CAMTA1: variants seen among roughly 807,000 people sequenced by gnomAD.
CAMTA1 encodes calmodulin binding transcription activator 1.
In CAMTA1, 27 loss-of-function variants were observed where a neutral mutation model predicts 170.9. The observed-to-expected ratio is 0.16, with a 90% CI of 0.12 to 0.22. The LOEUF is 0.22. Among genes scored for constraint, CAMTA1 ranks in the 10% least tolerant of loss-of-function variants. The probability of loss-of-function intolerance (pLI) is 1.00; values close to 1 mark genes in which losing one functional copy is unlikely to be tolerated. For missense variants in CAMTA1, 1,619 were observed against 2,217.2 expected, an observed-to-expected ratio of 0.73 and a Z score of 5.42; for synonymous variants, 833 against 891.5, an observed-to-expected ratio of 0.93 and a Z score of 1.17.
chr1:6,858,763 T>C lies in CAMTA1; in HGVS notation c.234+33553T>C, dbSNP rs558306129. Among the ~76,000 whole-genome samples the C allele has an allele frequency of 3.9e-4, 60 of 152,260 alleles. No homozygotes were observed. In the South Asian group the frequency reaches 0.012, roughly 31 times the overall value. ...CCTCTATTTGCTGAGTCTTATGCTT[T>C]TATATGAGGACCCCAGTGTCGTAAC... On this transcript the variant is annotated intron_variant, in intron 3 of 22. Coordinates refer to ENST00000303635, the MANE Select transcript of CAMTA1 (RefSeq NM_015215.4).
chr1:6,929,188 G>A (rs1011013899), intron 3 of CAMTA1, among the ~76,000 whole-genome samples: 4 of 151,944 alleles, frequency 2.6e-5, no homozygotes, highest in African/African-American at 4.8e-5. Flanking sequence ...GTTTCGTTTC[G>A]TTTCATTTCA....
At chr1:7,061,248 C>T (rs1280449779) in intron 3 of CAMTA1, among the ~76,000 whole-genome samples, 1 of 152,238 alleles carries the variant, frequency 6.6e-6, no homozygotes, top group East Asian at 1.9e-4. Context: ...GCACTGAGAC[C>T]CGGTCCTGCC....
At chr1:7,365,716 C>A (rs1183297307) in intron 5 of CAMTA1, among the ~76,000 whole-genome samples, 1 of 152,274 alleles carries the variant, frequency 6.6e-6, no homozygotes, top group African/African-American at 2.4e-5. Flanking sequence ...CCCGTTACCA[C>A]TGGTTTGAGA....
At chr1:6,812,828 A>C (rs2148365756) in intron 1 of CAMTA1, among the ~76,000 whole-genome samples, 1 of 152,336 alleles carries the variant, frequency 6.6e-6, no homozygotes, top group East Asian at 1.9e-4. Flanking sequence ...TTGTAATATT[A>C]GTTCCTGTGT....
chr1:7,356,983 C>G (rs185351919), intron 5 of CAMTA1, among the ~76,000 whole-genome samples: 115 of 152,330 alleles, frequency 7.5e-4, no homozygotes, highest in Non-Finnish European at 1.2e-3. Context: ...TCCCTTCCCC[C>G]CTTCCCTCCC....
chr1:6,972,715 T>A (rs904978471), intron 3 of CAMTA1, among the ~76,000 whole-genome samples: 6 of 152,112 alleles, frequency 3.9e-5, no homozygotes, highest in African/African-American at 1.4e-4. Context: ...GAGTGTGGAG[T>A]CAGTGTAGAC....
intron 5 of CAMTA1, among the ~76,000 whole-genome samples, chr1:7,353,431 C>CTTTT (rs34163773): frequency 7.2e-6 from 1 of 139,002 alleles, no homozygotes. Context: ...TTCTTTCTCT[C>CTTTT]TTTTTTTTTT....
chr1:6,924,727 A>C (rs574929425), intron 3 of CAMTA1, among the ~76,000 whole-genome samples: 4 of 152,262 alleles, frequency 2.6e-5, no homozygotes, highest in Non-Finnish European at 5.9e-5. Context: ...ACTTTAAAAA[A>C]TGCGAGCTAA....
Position 7,664,337 on chromosome 1 carries a change from C to G in CAMTA1, c.1790C>G (p.Ser597Cys). 1.2e-6 allele frequency: 2 copies of G among 1,613,566 alleles called. No individual in the cohort carries two copies. The highest frequency in any genetic ancestry group is 1.7e-6 in the Non-Finnish European group (2 of 1,180,028). Residue 597 changes from serine to cysteine, a missense_variant, in exon 9 of 23, where the codon TCC becomes TGC. Ser to Cys is a moderately radical substitution (Grantham distance 112, BLOSUM62 -1). Around this residue, in one of 8 missense-constraint regions of CAMTA1, gnomAD observed 731 missense variants for 907.6 expected, o/e 0.81. Transcript: ENST00000303635. ...ATCGACTCCAACAAGGACTACACGT[C>G]CAGCTTCAGCCAGACGGGCCACAGC... ...SAIDSNKDYT[S>C]SFSQTGHSPH...
chr1:6,831,604 C>G (rs1650196294), intron 3 of CAMTA1, among the ~76,000 whole-genome samples: 1 of 152,190 alleles, frequency 6.6e-6, no homozygotes, highest in African/African-American at 2.4e-5. Flanking sequence ...CACCATGAAC[C>G]TTTTATAATG....
At chr1:7,061,168 C>T (rs951871404) in intron 3 of CAMTA1, among the ~76,000 whole-genome samples, 2 of 152,178 alleles carry the variant, frequency 1.3e-5, no homozygotes, top group Admixed American at 1.3e-4. Context: ...TTTGTCTTTG[C>T]CCAAAAGAGT....
chr1:7,223,074 C>T (rs976546173), intron 4 of CAMTA1, among the ~76,000 whole-genome samples: 3 of 152,254 alleles, frequency 2.0e-5, no homozygotes, highest in East Asian at 1.9e-4. Flanking sequence ...CTCGCCCTTG[C>T]GGGCCACCCC....
chr1:7,583,022 A>G (rs2095274743), intron 6 of CAMTA1, among the ~76,000 whole-genome samples: 1 of 152,028 alleles, frequency 6.6e-6, no homozygotes, highest in Admixed American at 6.6e-5. Context: ...CCTGGAGTGC[A>G]CACGCTCCAG....
chr1:6,902,066 C>A (rs907139731), intron 3 of CAMTA1, among the ~76,000 whole-genome samples: 119 of 125,136 alleles, frequency 9.5e-4, no homozygotes, highest in African/African-American at 2.7e-3. Context: ...CACACACACA[C>A]ACACACAAAA....
intron 11 of CAMTA1, among the ~76,000 whole-genome samples, chr1:7,710,946 C>T (rs1038666796): frequency 2.0e-5 from 3 of 152,044 alleles, no homozygotes; most frequent in Non-Finnish European, 4.4e-5. Context: ...GGGACATGGT[C>T]CTCTCATTCA....
chr1:6,835,136 A>G (rs1323103492), intron 3 of CAMTA1, among the ~76,000 whole-genome samples: 21 of 152,190 alleles, frequency 1.4e-4, no homozygotes, highest in Admixed American at 1.4e-3. Context: ...CCAGTACTGA[A>G]GCTGGAATTG....
At chr1:7,649,256 G>A (rs1193505485) in intron 7 of CAMTA1, among the ~76,000 whole-genome samples, 1 of 152,246 alleles carries the variant, frequency 6.6e-6, no homozygotes, top group Non-Finnish European at 1.5e-5. Context: ...AAGCACATCT[G>A]TGTCCCCACG....
At chr1:7,765,163 A>G (rs983061748) in intron 22 of CAMTA1, among the ~76,000 whole-genome samples, 10 of 152,120 alleles carry the variant, frequency 6.6e-5, no homozygotes, top group African/African-American at 2.4e-4. Flanking sequence ...TCTCACATCC[A>G]TTTTTGGGAA....
At chr1:7,450,950 A>G (rs1039071175) in intron 5 of CAMTA1, among the ~76,000 whole-genome samples, 3 of 152,180 alleles carry the variant, frequency 2.0e-5, no homozygotes, top group African/African-American at 7.2e-5. Context: ...CTGCAGGACA[A>G]TCTGTTATTT....
Sources: allele counts gnomAD v4.1 joint callset (sites outside exome capture counted in the v4.1 genomes callset), GRCh38; gene constraint gnomAD v4.1.1; regional missense constraint gnomAD v4.1.1; transcripts MANE v1.5; gene names NCBI Gene and HGNC (gene_info 2026-07-23, HGNC 2026-07-21).